The following TMEM161B variants were observed in gnomAD, a reference collection of about 807,000 sequenced individuals.
The protein encoded by TMEM161B is transmembrane protein 161B.
In TMEM161B, 34 loss-of-function variants were observed where a neutral mutation model predicts 61.8. The ratio of observed to expected loss-of-function variants is 0.55; its 90% CI spans 0.42 to 0.73. The LOEUF (loss-of-function observed/expected upper bound fraction) is 0.73, where lower values mean the gene tolerates loss of function less well. Ranked by LOEUF, TMEM161B falls within the 30% of genes least tolerant of loss-of-function variation. The pLI, the probability that TMEM161B is intolerant of heterozygous loss-of-function variation, is 0.00. For synonymous variants in TMEM161B, 167 were observed against 192.8 expected, an observed-to-expected ratio of 0.87 and a Z score of 1.11; for missense variants, 456 against 558.5, an observed-to-expected ratio of 0.82 and a Z score of 1.85.
Position 88,196,340 on chromosome 5 carries a change from G to C in TMEM161B, c.1335C>G (p.Ser445Arg). ...GAAGAGGAGTAAAAATATTTTTTAA[G>C]CTGCTCAGTGCCACTGTTATTTGTG... ...TVTQITVALS[S>R]LKNIFTPLLF... Residue 445 changes from serine to arginine, a missense_variant, in exon 12 of 12, where the codon AGC becomes AGG. Coordinates refer to ENST00000296595, the MANE Select transcript of TMEM161B (RefSeq NM_153354.5). 6.2e-7 allele frequency: 1 copy of C among 1,613,312 alleles called. No individual in the cohort carries two copies.
chr5:88,185,855 G>A (rs1169876582), downstream of TMEM161B, among the ~76,000 whole-genome samples: 2 of 152,174 alleles, frequency 1.3e-5, no homozygotes, highest in African/African-American at 2.4e-5. Context: ...GACAAATTCA[G>A]TCAAACAGAC....
chr5:88,196,160 G>A lies in TMEM161B; in HGVS notation c.*51C>T, dbSNP rs1253983528. ...TTTTCATCAGCCCTTTAAGGGCACA[G>A]ATATTTTAATTTAAAGGGTGATTTG... On this transcript the variant is annotated 3_prime_UTR_variant, in exon 12 of 12. Transcript: ENST00000296595. 6.5e-7 allele frequency: 1 copy of A among 1,543,052 alleles called. No individual in the cohort carries two copies. The highest frequency in any genetic ancestry group is 8.7e-7 in the Non-Finnish European group (1 of 1,151,396).
chr5:88,253,431 G>A (rs543303081), intron 1 of TMEM161B, among the ~76,000 whole-genome samples: 13 of 152,218 alleles, frequency 8.5e-5, no homozygotes, highest in African/African-American at 2.9e-4. Context: ...GGTGACATCC[G>A]AACTAGTTTG....
downstream of TMEM161B, chr5:88,190,230 G>A: frequency 1.4e-6 from 1 of 701,060 alleles, no homozygotes; most frequent in Non-Finnish European, 2.6e-6. Context: ...TTGCATGCCG[G>A]GTGGAACGGC....
At chr5:88,228,125 C>A (rs553642492) in intron 3 of TMEM161B, among the ~76,000 whole-genome samples, 1 of 152,172 alleles carries the variant, frequency 6.6e-6, no homozygotes, top group South Asian at 2.1e-4. Context: ...GAAAATAACC[C>A]AAACCAACTG....
At chr5:88,213,908 A>C (rs1243056886) in intron 5 of TMEM161B, among the ~76,000 whole-genome samples, 1 of 152,198 alleles carries the variant, frequency 6.6e-6, no homozygotes, top group Non-Finnish European at 1.5e-5. Flanking sequence ...CTGAAATCTT[A>C]TGCAGTTTAC....
chr5:88,233,290 C>T (rs1751326132), intron 2 of TMEM161B, among the ~76,000 whole-genome samples: 1 of 152,088 alleles, frequency 6.6e-6, no homozygotes, highest in African/African-American at 2.4e-5. Context: ...TGAGAGACAG[C>T]CTTAGATATT....
intron 1 of TMEM161B, among the ~76,000 whole-genome samples, chr5:88,264,638 G>A (rs1192141339): frequency 6.6e-6 from 1 of 152,076 alleles, no homozygotes; most frequent in African/African-American, 2.4e-5. Flanking sequence ...GCACACACAC[G>A]TATGTTTATT....
intron 9 of TMEM161B, 98 bp downstream of exon 9, chr5:88,202,862 TAC>T (rs1235725375): frequency 1.2e-6 from 1 of 815,064 alleles, no homozygotes; most frequent in South Asian, 1.5e-5. Context: ...GTCTGAAAAA[TAC>T]AGTGTCCTGA....
At chr5:88,206,282 T>A (rs576267668) in intron 7 of TMEM161B, 157 bp downstream of exon 7, 1 of 652,760 alleles carries the variant, frequency 1.5e-6, no homozygotes, top group African/African-American at 1.8e-5. Flanking sequence ...ACACTAACTT[T>A]ATATAGTCAT....
chr5:88,229,668 A>G (rs1053486118), intron 2 of TMEM161B, among the ~76,000 whole-genome samples: 3 of 148,974 alleles, frequency 2.0e-5, no homozygotes, highest in African/African-American at 7.5e-5. Context: ...AAAGGAAAAA[A>G]TGCATATCTA....
At chr5:88,216,024 G>T (rs1204806753) in intron 5 of TMEM161B, among the ~76,000 whole-genome samples, 3 of 152,184 alleles carry the variant, frequency 2.0e-5, no homozygotes, top group Non-Finnish European at 4.4e-5. Context: ...TTGGGAAGCC[G>T]AGACAGAAGG....
At chr5:88,192,489 A>G (rs760784388), downstream of TMEM161B, among the ~76,000 whole-genome samples, 1 of 152,256 alleles carries the variant, frequency 6.6e-6, no homozygotes, top group Admixed American at 6.5e-5. Context: ...GATATCATCA[A>G]GCAAGACATT....
intron 1 of TMEM161B, among the ~76,000 whole-genome samples, chr5:88,255,564 C>A (rs1331002103): frequency 6.6e-6 from 1 of 152,108 alleles, no homozygotes; most frequent in African/African-American, 2.4e-5. Context: ...TCATATAGTT[C>A]ATCTTAATAT....
rs368515045 is a variant in TMEM161B at position 88,199,167 on chromosome 5, T to C, written c.915-17A>G. 2.7e-5 allele frequency: 43 copies of C among 1,588,746 alleles called. No individual in the cohort carries two copies. The African/African-American group carries it at 5.5e-4, about 20-fold the overall frequency. ...TCTGTCATTCTACAGATCAAAAAGT[T>C]GATACGGTGCTCTCAAAGACAACAA... On this transcript the variant is annotated splice_polypyrimidine_tract_variant and intron_variant, in intron 9 of 11. Coordinates refer to ENST00000296595, the MANE Select transcript of TMEM161B (RefSeq NM_153354.5).
intron 11 of TMEM161B, 67 bp downstream of exon 11, chr5:88,197,602 G>A (rs1749887488): frequency 1.5e-6 from 2 of 1,305,248 alleles, no homozygotes; most frequent in Admixed American, 2.2e-5. Context: ...CTTTGTTGGT[G>A]ACAAAAAGCT....
At chr5:88,230,015 G>T (rs1750717060) in intron 2 of TMEM161B, among the ~76,000 whole-genome samples, 1 of 151,956 alleles carries the variant, frequency 6.6e-6, no homozygotes, top group Non-Finnish European at 1.5e-5. Flanking sequence ...AACACAGTGA[G>T]ACCGTATCTC....
intron 1 of TMEM161B, among the ~76,000 whole-genome samples, chr5:88,249,347 C>T (rs575530460): frequency 7.9e-5 from 12 of 152,262 alleles, no homozygotes; most frequent in African/African-American, 2.6e-4. Flanking sequence ...GTCACCATTA[C>T]TCTTCCCAGA....
intron 1 of TMEM161B, among the ~76,000 whole-genome samples, chr5:88,265,811 C>T (rs901746842): frequency 3.3e-5 from 5 of 152,184 alleles, no homozygotes; most frequent in Non-Finnish European, 7.3e-5. Context: ...CCATGGCCTA[C>T]TCTCCCACAC....
Sources: gnomAD v4.1 joint callset for allele counts (sites outside exome capture counted in the v4.1 genomes callset) on GRCh38, gnomAD v4.1.1 for gene constraint, MANE v1.5 for transcripts, NCBI Gene and HGNC (gene_info 2026-07-23, HGNC 2026-07-21) for gene names.